Variants in STK33 observed in about 807,000 individuals in gnomAD.
The protein encoded by STK33 is serine/threonine-protein kinase 33.
STK33 carries 52 observed loss-of-function variants against 58.0 expected under a neutral mutation model. The ratio of observed to expected loss-of-function variants is 0.90; its 90% confidence interval spans 0.72 to 1.13. The LOEUF is 1.13. Ranked by LOEUF, STK33 falls within the 50% of genes most tolerant of loss-of-function variation. The pLI is 0.00. For synonymous variants in STK33, 215 were observed against 200.1 expected (o/e 1.07, Z -0.63); for missense variants, 630 against 604.2 (o/e 1.04, Z -0.45).
chr11:8,403,932 C>T (rs368946836), intron 15 of STK33, among the ~76,000 whole-genome samples: 2 of 152,340 alleles, frequency 1.3e-5, no homozygotes, highest in East Asian at 3.9e-4. Context: ...GTTAGCATTT[C>T]TCTGAATTTT....
intron 15 of STK33, among the ~76,000 whole-genome samples, chr11:8,405,254 T>C (rs1938906045): frequency 6.6e-6 from 1 of 152,222 alleles, no homozygotes; most frequent in South Asian, 2.1e-4. Context: ...TCTGGACTTG[T>C]TAGTTTTTAA....
chr11:8,588,206 CT>C (rs1268835864), intron 1 of STK33, among the ~76,000 whole-genome samples: 1 of 152,148 alleles, frequency 6.6e-6, no homozygotes, highest in East Asian at 1.9e-4. Flanking sequence ...GGATTTAGAC[CT>C]CAACATATGA....
At chr11:8,589,489 G>A (rs1296049336) in intron 1 of STK33, among the ~76,000 whole-genome samples, 3 of 152,194 alleles carry the variant, frequency 2.0e-5, no homozygotes, top group African/African-American at 4.8e-5. Context: ...ATGTTTGCCA[G>A]GGGCTCAGGG....
In STK33 at chr11:8,454,837, C is replaced by G. The variant is rs752918732; in HGVS notation, c.698-5G>C. On this transcript the variant is annotated splice_region_variant and splice_polypyrimidine_tract_variant and intron_variant, in intron 9 of 15. Coordinates refer to ENST00000687296, the MANE Select transcript of STK33 (RefSeq NM_001352389.2). The stretch of plus-strand genomic sequence containing the variant: ...TCAGATCTCTATGTACAATATCTAC[C>G]AAGAAAATAAACAACAAATCAAATG... The G allele has an allele frequency of 3.9e-6, 6 of 1,528,152 alleles. No individual in the cohort carries two copies. The South Asian group carries it at 7.4e-5, about 19-fold the overall frequency. 94.7% of individuals were successfully genotyped at this position (1,528,152 alleles called of 1,614,324 possible).
chr11:8,529,132 G>T (rs1344761748), intron 1 of STK33, among the ~76,000 whole-genome samples: 1 of 152,260 alleles, frequency 6.6e-6, no homozygotes, highest in African/African-American at 2.4e-5. Flanking sequence ...CCATTAAACT[G>T]TTTTCTCTGC....
At chr11:8,538,221 A>T (rs1298605691) in intron 1 of STK33, among the ~76,000 whole-genome samples, 10 of 152,174 alleles carry the variant, frequency 6.6e-5, no homozygotes, top group Non-Finnish European at 1.3e-4. Context: ...AAAAGCTAAT[A>T]CTTAAATAGC....
chr11:8,338,195 G>A, the STK33 span, among the ~76,000 whole-genome samples: 1 of 152,168 alleles, frequency 6.6e-6, no homozygotes, highest in East Asian at 1.9e-4. Flanking sequence ...ACAGGGCCTG[G>A]CCAAGGCCAG....
chr11:8,431,542 T>C (rs1460546944), intron 14 of STK33, among the ~76,000 whole-genome samples: 7 of 152,216 alleles, frequency 4.6e-5, no homozygotes, highest in Admixed American at 6.5e-5. Context: ...ACAGACTTAC[T>C]TGTGGTAAAT....
intron 1 of STK33, among the ~76,000 whole-genome samples, chr11:8,504,446 A>C (rs2139229113): frequency 6.6e-6 from 1 of 152,216 alleles, no homozygotes; most frequent in Middle Eastern, 3.4e-3. Flanking sequence ...CCAATTGTTA[A>C]ATTTTCAGGA....
At chr11:8,459,507 C>T (rs963426094) in intron 8 of STK33, among the ~76,000 whole-genome samples, 1 of 152,076 alleles carries the variant, frequency 6.6e-6, no homozygotes, top group Non-Finnish European at 1.5e-5. Flanking sequence ...CTACCTGAAA[C>T]AACTTAAGAA....
chr11:8,364,168 C>G, the STK33 span, among the ~76,000 whole-genome samples: 1 of 152,220 alleles, frequency 6.6e-6, no homozygotes, highest in African/African-American at 2.4e-5. Context: ...ATACGTTCGT[C>G]TTCACTAAGT....
At chr11:8,546,896 G>A (rs1454627308) in intron 1 of STK33, among the ~76,000 whole-genome samples, 1 of 152,106 alleles carries the variant, frequency 6.6e-6, no homozygotes, top group African/African-American at 2.4e-5. Context: ...AATAAACATG[G>A]GAATGCAGGT....
At chr11:8,494,893 T>G (rs1314670900) in intron 1 of STK33, among the ~76,000 whole-genome samples, 4 of 152,206 alleles carry the variant, frequency 2.6e-5, no homozygotes, top group African/African-American at 9.6e-5. Flanking sequence ...GTTAGCCATA[T>G]GTAGAAAGCT....
chr11:8,512,041 T>C (rs935335402), intron 1 of STK33, among the ~76,000 whole-genome samples: 10 of 152,152 alleles, frequency 6.6e-5, no homozygotes, highest in African/African-American at 2.4e-4. Flanking sequence ...GCGCCAACTA[T>C]TATTACAAAT....
the STK33 span, among the ~76,000 whole-genome samples, chr11:8,336,296 G>A: frequency 6.6e-6 from 1 of 152,386 alleles, no homozygotes; most frequent in East Asian, 1.9e-4. Flanking sequence ...TGTGGGCTGG[G>A]GGTTAGAGTT....
In STK33 at chr11:8,528,627, T is replaced by C. The variant is rs529861831; in HGVS notation, c.-465-48013A>G. ...TGAGATAAAGACAAGATAATATTTA[T>C]ATTCCTTTAAGACTAAAGACCAAAA... On this transcript the variant is annotated intron_variant, in intron 1 of 15. Coordinates refer to ENST00000687296, the MANE Select transcript of STK33 (RefSeq NM_001352389.2). Among the ~76,000 whole-genome samples the C allele has an allele frequency of 1.3e-4, 20 of 152,374 alleles. No individual in the cohort carries two copies. The East Asian group carries it at 1.5e-3, about 12-fold the overall frequency.
Position 8,452,910 on chromosome 11 carries a change from G to C in STK33, c.787-4C>G, listed in dbSNP as rs769767778. The C allele has an allele frequency of 6.2e-7, 1 of 1,613,642 alleles. No individual in the cohort carries two copies. Among genetic ancestry groups the C allele is most frequent in the Admixed American group, 1.7e-5 (1 of 60,002 alleles). The stretch of plus-strand genomic sequence containing the variant: ...CCGCTAAGCCAAAATCAGTCACCTG[G>C]GAGAAGAAATTCAAGCACAGTCACC... On this transcript the variant is annotated splice_region_variant and splice_polypyrimidine_tract_variant and intron_variant, in intron 10 of 15. Coordinates refer to ENST00000687296, the MANE Select transcript of STK33 (RefSeq NM_001352389.2).
intron 1 of STK33, among the ~76,000 whole-genome samples, chr11:8,592,803 T>C (rs1277260556): frequency 6.6e-6 from 1 of 152,162 alleles, no homozygotes; most frequent in Non-Finnish European, 1.5e-5. Context: ...ATGATGGATT[T>C]TGAGCTAGAG....
At chr11:8,435,068 C>T (rs1260470705) in intron 14 of STK33, among the ~76,000 whole-genome samples, 1 of 152,114 alleles carries the variant, frequency 6.6e-6, no homozygotes, top group African/African-American at 2.4e-5. Context: ...AATTCCAAAC[C>T]AGGAGACTGC....
Sources: allele counts gnomAD v4.1 joint callset (sites outside exome capture counted in the v4.1 genomes callset), GRCh38; gene constraint gnomAD v4.1.1; transcripts MANE v1.5; gene names NCBI Gene and HGNC (gene_info 2026-07-23, HGNC 2026-07-21).